The following PACSIN2 variants were observed in gnomAD, a reference collection of about 807,000 sequenced individuals.
PACSIN2 encodes the protein protein kinase C and casein kinase substrate in neurons protein 2.
Under a neutral mutation model 63.8 loss-of-function variants are expected in PACSIN2, and 25 were observed. The observed-to-expected ratio is 0.39, with a 90% CI of 0.29 to 0.55. The LOEUF is 0.55. Ranked by LOEUF, PACSIN2 falls within the 20% of genes least tolerant of loss-of-function variation. PACSIN2 has a pLI of 0.62. For synonymous variants in PACSIN2, 255 were observed against 256.2 expected (o/e 1.00, Z 0.05); for missense variants, 518 against 646.9 (o/e 0.80, Z 2.16).
At chr22:42,954,207 G>C (rs1412226989) in intron 1 of PACSIN2, among the ~76,000 whole-genome samples, 2 of 152,186 alleles carry the variant, frequency 1.3e-5, no homozygotes, top group African/African-American at 4.8e-5. Flanking sequence ...AGGTTGCAGT[G>C]AGCCGAGATC....
At chr22:42,922,257 C>T (rs1932244249) in intron 1 of PACSIN2, among the ~76,000 whole-genome samples, 3 of 152,192 alleles carry the variant, frequency 2.0e-5, no homozygotes, top group Admixed American at 2.0e-4. Context: ...CCTTCCTCCC[C>T]TTTGGGCTTG....
chr22:43,005,499 T>C (rs1924035250), intron 1 of PACSIN2, among the ~76,000 whole-genome samples: 1 of 152,122 alleles, frequency 6.6e-6, no homozygotes, highest in Non-Finnish European at 1.5e-5. Flanking sequence ...AGACAGGCCC[T>C]GTAAGTGCCA....
intron 1 of PACSIN2, among the ~76,000 whole-genome samples, chr22:42,969,488 G>A (rs1921080154): frequency 6.6e-6 from 1 of 152,112 alleles, no homozygotes; most frequent in Non-Finnish European, 1.5e-5. Context: ...GAGGCCTTGG[G>A]GAAGAACCAA....
intron 6 of PACSIN2, among the ~76,000 whole-genome samples, chr22:42,884,135 T>C (rs1929290161): frequency 1.3e-5 from 2 of 152,138 alleles, no homozygotes; most frequent in Admixed American, 1.3e-4. Flanking sequence ...CTTATCTGCT[T>C]GGGCCAGCAA....
intron 1 of PACSIN2, among the ~76,000 whole-genome samples, chr22:42,932,656 G>A (rs1196784909): frequency 6.6e-6 from 1 of 151,630 alleles, no homozygotes; most frequent in Non-Finnish European, 1.5e-5. Context: ...GATTACACAG[G>A]AGAGAAAAAA....
intron 1 of PACSIN2, among the ~76,000 whole-genome samples, chr22:42,998,218 C>G (rs1923541561): frequency 6.6e-6 from 1 of 152,154 alleles, no homozygotes; most frequent in African/African-American, 2.4e-5. Context: ...ATCAATGCTC[C>G]CAGAGAACCT....
intron 2 of PACSIN2, among the ~76,000 whole-genome samples, chr22:42,904,339 G>A (rs971218221): frequency 2.0e-5 from 3 of 152,230 alleles, no homozygotes; most frequent in African/African-American, 7.2e-5. Context: ...GGGAAGACAT[G>A]CACTGCTCAC....
At chr22:42,929,353 AATTAATATTTGTATCTTGCAAAACC>A (rs1406838894) in intron 1 of PACSIN2, among the ~76,000 whole-genome samples, 1 of 152,238 alleles carries the variant, frequency 6.6e-6, no homozygotes, top group Non-Finnish European at 1.5e-5. Flanking sequence ...AGTCAACAGC[AATTAATATTTGTATCTTGCAAAACC>A]AGTAAAAAGT....
At chr22:42,983,988 T>TTTTTTA (rs1922432266) in intron 1 of PACSIN2, among the ~76,000 whole-genome samples, 1 of 86,552 alleles carries the variant, frequency 1.2e-5, no homozygotes, top group African/African-American at 4.9e-5. Context: ...TTTTTTTTTT[T>TTTTTTA]GAGACAGGGT....
intron 1 of PACSIN2, among the ~76,000 whole-genome samples, chr22:43,008,437 G>A (rs1275550455): frequency 6.6e-6 from 1 of 152,178 alleles, no homozygotes; most frequent in Non-Finnish European, 1.5e-5. Flanking sequence ...TTTTAGTAGA[G>A]ATGGGGTTTC....
At chr22:42,910,448 C>A (rs1278188648) in intron 2 of PACSIN2, among the ~76,000 whole-genome samples, 2 of 152,204 alleles carry the variant, frequency 1.3e-5, no homozygotes, top group Admixed American at 6.5e-5. Context: ...AGGCCACAGC[C>A]TCTCTGGGGG....
intron 2 of PACSIN2, among the ~76,000 whole-genome samples, chr22:42,900,096 C>T (rs1036498158): frequency 6.6e-6 from 1 of 152,132 alleles, no homozygotes; most frequent in Non-Finnish European, 1.5e-5. Flanking sequence ...TGATGCAGCC[C>T]GTCCTTGCTG....
At chr22:42,967,601 C>A (rs1920977928) in intron 1 of PACSIN2, among the ~76,000 whole-genome samples, 2 of 152,190 alleles carry the variant, frequency 1.3e-5, no homozygotes, top group Admixed American at 6.5e-5. Flanking sequence ...AGAAACCCTG[C>A]AAATGGGCCG....
At position 43,012,937 on chromosome 22, in the gene PACSIN2, G is replaced by T. The variant is rs144456824; in HGVS notation, c.-78+2084C>A. Among the ~76,000 whole-genome samples the T allele has an allele frequency of 4.3e-3, 648 of 152,206 alleles. 3 individuals carry two copies. The highest frequency in any genetic ancestry group is 0.015 in the African/African-American group (612 of 41,526). On this transcript the variant is annotated intron_variant, in intron 1 of 10. Coordinates refer to ENST00000263246, the MANE Select transcript of PACSIN2 (RefSeq NM_001184970.3). ...CCAAAGTGCTGGAGATTACAGGCGT[G>T]AGCCACCACGCCCGGCCTTAATTTT... is the stretch of plus-strand genomic sequence containing the variant.
chr22:42,914,035 G>T (rs532440510), intron 1 of PACSIN2, among the ~76,000 whole-genome samples: 4 of 152,236 alleles, frequency 2.6e-5, no homozygotes, highest in African/African-American at 9.6e-5. Flanking sequence ...CAAAGACATT[G>T]CCGCTGTGAG....
intron 6 of PACSIN2, among the ~76,000 whole-genome samples, chr22:42,882,783 C>T (rs939144299): frequency 9.2e-5 from 14 of 152,144 alleles, no homozygotes; most frequent in African/African-American, 2.4e-4. Context: ...GGCTGCCTTC[C>T]GCCTGGCAGC....
At chr22:42,996,412 A>C (rs2146911158) in intron 1 of PACSIN2, among the ~76,000 whole-genome samples, 1 of 151,122 alleles carries the variant, frequency 6.6e-6, no homozygotes, top group East Asian at 2.0e-4. Context: ...CACGCCCGTA[A>C]TCCCAGCTAC....
Position 42,870,710 on chromosome 22 carries a change from G to A in PACSIN2, c.*647C>T, listed in dbSNP as rs985478084. On this transcript the variant is annotated 3_prime_UTR_variant, in exon 11 of 11. Transcript: ENST00000263246. ...ATTCAGATGCCCAAAAGCACAAAGA[G>A]CATTCCCAATAGAAACCCGACCATA... is the stretch of plus-strand genomic sequence containing the variant. 6.6e-6 allele frequency: 1 copy of A among 152,250 alleles called. No individual in the cohort carries two copies. Among genetic ancestry groups the A allele is most frequent in the African/African-American group, 2.4e-5 (1 of 41,438 alleles). 9.4% of individuals were successfully genotyped at this position (152,250 alleles called of 1,614,324 possible).
chr22:42,962,519 T>C (rs538324829), intron 1 of PACSIN2, among the ~76,000 whole-genome samples: 1 of 124,290 alleles, frequency 8.0e-6, no homozygotes, highest in African/African-American at 3.2e-5. Context: ...TTCTGCTTAA[T>C]AAAAAGCTGA....
Sources: allele counts gnomAD v4.1 joint callset (sites outside exome capture counted in the v4.1 genomes callset), GRCh38; gene constraint gnomAD v4.1.1; transcripts MANE v1.5; gene names NCBI Gene and HGNC (gene_info 2026-07-23, HGNC 2026-07-21).